The following SHISA9 variants were observed in gnomAD, a reference collection of about 807,000 sequenced individuals.
SHISA9 encodes the protein protein shisa-9.
In SHISA9, 13 loss-of-function variants were observed where a neutral mutation model predicts 38.0. The observed-to-expected ratio is 0.34, with a 90% confidence interval of 0.22 to 0.54. SHISA9 has a LOEUF of 0.54. SHISA9 is among the 20% of genes least tolerant of loss of function. The pLI, the probability that SHISA9 is intolerant of heterozygous loss-of-function variation, is 0.91. For synonymous variants in SHISA9, 275 were observed against 242.0 expected (o/e 1.14, Z -1.27); for missense variants, 538 against 575.8 (o/e 0.93, Z 0.67).
chr16:13,272,077 T>TA, the SHISA9 span, among the ~76,000 whole-genome samples: 40 of 117,518 alleles, frequency 3.4e-4, no homozygotes, highest in South Asian at 1.7e-3. Flanking sequence ...ATCTCAAAAT[T>TA]AAAAAAAAAA....
the SHISA9 span, among the ~76,000 whole-genome samples, chr16:13,493,955 G>A: frequency 2.7e-5 from 4 of 150,140 alleles, no homozygotes; most frequent in Non-Finnish European, 5.9e-5. Flanking sequence ...AGGGCCTTCA[G>A]GTTCTGGTCT....
At position 13,158,462 on chromosome 16, in the gene SHISA9, C is replaced by T. The variant is rs2050565938; in HGVS notation, c.692-44932C>T. Among the ~76,000 whole-genome samples the T allele has an allele frequency of 2.6e-5, 4 of 152,196 alleles. No homozygotes were observed. In the South Asian group the frequency reaches 6.2e-4, roughly 24 times the overall value. On this transcript the variant is annotated intron_variant, in intron 2 of 4. Coordinates refer to ENST00000558583, the MANE Select transcript of SHISA9 (RefSeq NM_001145204.3). Reference sequence around the variant, plus strand: ...GCCAGAACTACCCCCAAAACCATGCCACAAAAGCTGTCCTGGGAGGACCCT... The same window carrying T: ...GCCAGAACTACCCCCAAAACCATGCTACAAAAGCTGTCCTGGGAGGACCCT...
At chr16:13,287,833 G>C in the SHISA9 span, among the ~76,000 whole-genome samples, 1 of 152,150 alleles carries the variant, frequency 6.6e-6, no homozygotes, top group African/African-American at 2.4e-5. Flanking sequence ...AAGATAAATG[G>C]AGGCCTCCTA....
chr16:13,449,013 C>T, the SHISA9 span, among the ~76,000 whole-genome samples: 2 of 152,144 alleles, frequency 1.3e-5, no homozygotes, highest in African/African-American at 4.8e-5. Flanking sequence ...AAAAGGTGGT[C>T]ATTACTGTGA....
the SHISA9 span, among the ~76,000 whole-genome samples, chr16:13,404,599 G>T: frequency 6.6e-6 from 1 of 152,154 alleles, no homozygotes; most frequent in African/African-American, 2.4e-5. Flanking sequence ...CATGTTATGA[G>T]ATGAAGCTGC....
chr16:13,454,632 A>T, the SHISA9 span, among the ~76,000 whole-genome samples: 2 of 152,208 alleles, frequency 1.3e-5, no homozygotes, highest in African/African-American at 4.8e-5. Context: ...ATATAGGCAG[A>T]CTTGCTCTAA....
intron 2 of SHISA9, among the ~76,000 whole-genome samples, chr16:12,975,338 A>C (rs574311381): frequency 6.6e-6 from 1 of 151,936 alleles, no homozygotes; most frequent in Non-Finnish European, 1.5e-5. Flanking sequence ...CCCTGTCTCT[A>C]CCAAAAATAC....
In SHISA9 at chr16:13,238,267, C is replaced by T. The variant is rs2051404272; in HGVS notation, c.*2858C>T. 1 of 152,182 alleles carries T rather than the reference C, an allele frequency of 6.6e-6. No homozygotes were observed. The highest frequency in any genetic ancestry group is 6.5e-5 in the Admixed American group (1 of 15,274). 9.4% of individuals were successfully genotyped at this position (152,182 alleles called of 1,614,324 possible). A position where few individuals can be genotyped will look rare whatever the true frequency, so the allele number is the denominator to read the frequency against. ...AAAGTAAATGAAAGGGGAATCATTT[C>T]CTATGCAAGTCAGTGTTGAACAATG... is the stretch of plus-strand genomic sequence containing the variant. On this transcript the variant is annotated 3_prime_UTR_variant, in exon 5 of 5. Transcript: ENST00000558583.
intron 2 of SHISA9, among the ~76,000 whole-genome samples, chr16:13,170,038 A>AAAAAT (rs1183572937): frequency 5.3e-5 from 8 of 152,096 alleles, no homozygotes; most frequent in Non-Finnish European, 8.8e-5. Flanking sequence ...CTCTTTCTCT[A>AAAAAT]CTAAAAATAT....
At chr16:13,011,383 A>T (rs1418492194) in intron 2 of SHISA9, among the ~76,000 whole-genome samples, 6 of 145,686 alleles carry the variant, frequency 4.1e-5, no homozygotes, top group Non-Finnish European at 7.4e-5. Flanking sequence ...TCCCCAATAC[A>T]CTACACTATT....
chr16:13,458,694 T>G, the SHISA9 span: 1 of 249,156 alleles, frequency 4.0e-6, no homozygotes, highest in Non-Finnish European at 8.1e-6. Context: ...ATCTTGAGGA[T>G]GTAAAAAAAA....
the SHISA9 span, among the ~76,000 whole-genome samples, chr16:13,372,018 C>T: frequency 8.5e-5 from 13 of 152,354 alleles, no homozygotes; most frequent in South Asian, 2.3e-3. Flanking sequence ...GTTTCAGTTC[C>T]TCCAGAGCTC....
intron 2 of SHISA9, among the ~76,000 whole-genome samples, chr16:13,182,778 A>G (rs2142032816): frequency 6.6e-6 from 1 of 151,948 alleles, no homozygotes; most frequent in East Asian, 2.0e-4. Flanking sequence ...TATTGTGATG[A>G]CCATCTTTGG....
the SHISA9 span, among the ~76,000 whole-genome samples, chr16:13,557,200 A>C: frequency 4.6e-5 from 7 of 152,248 alleles, no homozygotes; most frequent in Non-Finnish European, 1.0e-4. Context: ...AGGAGGTAGA[A>C]ACATTTGAAT....
At chr16:13,181,298 TATATATATATATATAC>T (rs1465215835) in intron 2 of SHISA9, among the ~76,000 whole-genome samples, 38 of 42,048 alleles carry the variant, frequency 9.0e-4, no homozygotes, top group South Asian at 4.5e-3. Context: ...TATATATATA[TATATATATATATATAC>T]ACACACACAC....
At chr16:13,326,631 G>A in the SHISA9 span, among the ~76,000 whole-genome samples, 2 of 152,218 alleles carry the variant, frequency 1.3e-5, no homozygotes, top group African/African-American at 4.8e-5. Flanking sequence ...TGAGGCAGGA[G>A]AATTGCTTGA....
chr16:13,261,066 G>A, the SHISA9 span, among the ~76,000 whole-genome samples: 1 of 152,172 alleles, frequency 6.6e-6, no homozygotes, highest in African/African-American at 2.4e-5. Context: ...TCGCCCCCAT[G>A]ATTCAATTAC....
At chr16:13,252,750 C>G in the SHISA9 span, among the ~76,000 whole-genome samples, 1 of 152,170 alleles carries the variant, frequency 6.6e-6, no homozygotes, top group African/African-American at 2.4e-5. Context: ...GATGGAAGCT[C>G]CATGGGGGTA....
intron 2 of SHISA9, among the ~76,000 whole-genome samples, chr16:12,941,473 C>T (rs2071610721): frequency 6.6e-6 from 1 of 152,140 alleles, no homozygotes; most frequent in South Asian, 2.1e-4. Context: ...ATAATCACAT[C>T]GTGGAAAATG....
Sources: allele counts gnomAD v4.1 joint callset (sites outside exome capture counted in the v4.1 genomes callset), GRCh38; gene constraint gnomAD v4.1.1; transcripts MANE v1.5; gene names NCBI Gene and HGNC (gene_info 2026-07-23, HGNC 2026-07-21).